ITIH1: variants seen among roughly 807,000 people sequenced by gnomAD.
ITIH1 encodes the protein inter-alpha-trypsin inhibitor heavy chain H1.
A neutral mutation model predicts 104.6 loss-of-function variants in ITIH1; 94 were observed. That is an observed-to-expected ratio of 0.90 (90% CI 0.76 to 1.07). The LOEUF is 1.07. ITIH1 is among the 50% of genes least tolerant of loss of function. The pLI is 0.00. For missense variants in ITIH1, 1,193 were observed against 1,181.4 expected (o/e 1.01, Z -0.14); for synonymous variants, 455 against 464.4 (o/e 0.98, Z 0.26).
chr3:52,791,735 G>A, intron 21 of ITIH1, 47 bp from the exon 22 acceptor site: 1 of 1,606,212 alleles, frequency 6.2e-7, no homozygotes, highest in African/African-American at 1.3e-5. Context: ...GGGAGGTGCT[G>A]CCCTACTGGT....
At chr3:52,781,340 TCTC>T (rs1437878200) in intron 6 of ITIH1, among the ~76,000 whole-genome samples, 2 of 150,838 alleles carry the variant, frequency 1.3e-5, no homozygotes, top group African/African-American at 4.9e-5. Flanking sequence ...TCTTCTATCT[TCTC>T]TTCTTCTTCC....
In ITIH1 at chr3:52,784,383, A is replaced by G; in HGVS notation, c.1313A>G (p.Asn438Ser). The change falls in exon 11 of 22, where the codon AAT (asparagine) becomes AGT (serine). Residue 438 changes from asparagine (N) to serine (S), a missense_variant. By Grantham distance (46) the Asn-to-Ser change is conservative (BLOSUM62 1). Coordinates refer to ENST00000273283, the MANE Select transcript of ITIH1 (RefSeq NM_002215.4). ...CTCTACAACCTGGGTTTCGGCCACA[A>G]TGTGGACTTTAACTTTCTGGAGGTC... is the stretch of plus-strand genomic sequence containing the variant. Reference protein sequence around the residue: ...FPLYNLGFGHNVDFNFLEVMS... With the variant: ...FPLYNLGFGHSVDFNFLEVMS... 5 of 1,614,100 alleles carry G rather than the reference A, an allele frequency of 3.1e-6. No individual in the cohort carries two copies. Among genetic ancestry groups the G allele is most frequent in the Middle Eastern group, 3.3e-4 (2 of 6,060 alleles).
intron 6 of ITIH1, among the ~76,000 whole-genome samples, chr3:52,781,231 TCTTCTTCTTCTTCTTC>T (rs1699040201): frequency 1.3e-5 from 1 of 78,660 alleles, no homozygotes; most frequent in African/African-American, 4.3e-5. Flanking sequence ...TTCTTCTTCT[TCTTCTTCTTCTTCTTC>T]TTCTTCTTCT....
chr3:52,780,400 G>T lies in ITIH1; in HGVS notation c.687+18G>T. 3 of 1,578,264 alleles carry T rather than the reference G, an allele frequency of 1.9e-6. No individual in the cohort carries two copies. The highest frequency in any genetic ancestry group is 1.7e-6 in the Non-Finnish European group (2 of 1,149,546). On this transcript the variant is annotated intron_variant, in intron 6 of 21. Transcript: ENST00000273283. Reference sequence around the variant, plus strand: ...GAAAAAAGGTACATGGGATAGCAAGGGGGTGGTGGTGGGCCCTTTGGAGAC... The same window carrying T: ...GAAAAAAGGTACATGGGATAGCAAGTGGGTGGTGGTGGGCCCTTTGGAGAC...
rs1318498970 is a variant in ITIH1 at position 52,786,438 on chromosome 3, G to A, written c.1733+4G>A. On this transcript the variant is annotated splice_donor_region_variant and intron_variant, in intron 13 of 21. Transcript: ENST00000273283. ...TCCAGGAGCTGCTGGCCAAGCGGTA[G>A]GGCACCTGCAGCTGCCCCAGGTGGG... is the stretch of plus-strand genomic sequence containing the variant. 1.3e-6 allele frequency: 2 copies of A among 1,574,684 alleles called. No individual in the cohort carries two copies. Among genetic ancestry groups the A allele is most frequent in the South Asian group, 2.3e-5 (2 of 85,804 alleles).
rs80339255 is a variant in ITIH1 at position 52,791,940 on chromosome 3, C to T, written c.*29C>T. 8.4e-4 allele frequency: 1,346 copies of T among 1,597,764 alleles called. 13 individuals carry two copies. In the African/African-American group the frequency reaches 0.016, roughly 19 times the overall value. ...CTCTGGCCAGCACGCCTGTCCTCCC[C>T]CGGGGCCAAGGCAGAGGAGGAGGAC... On this transcript the variant is annotated 3_prime_UTR_variant, in exon 22 of 22. Transcript: ENST00000273283.
At chr3:52,786,615 C>A (rs1298044844) in intron 13 of ITIH1, among the ~76,000 whole-genome samples, 181 bp downstream of exon 13, 2 of 152,214 alleles carry the variant, frequency 1.3e-5, no homozygotes, top group African/African-American at 4.8e-5. Context: ...CCCACCAGGG[C>A]ACAAGGCAGC....
chr3:52,791,618 A>AC lies in ITIH1; in HGVS notation c.2597dup (p.Val867GlyfsTer38). The AC allele has an allele frequency of 6.2e-6, 10 of 1,613,950 alleles. No homozygotes were observed. Among genetic ancestry groups the AC allele is most frequent in the Non-Finnish European group, 8.5e-6 (10 of 1,179,950 alleles). On this transcript the variant is annotated frameshift_variant, in exon 21 of 22. Coordinates refer to ENST00000273283, the MANE Select transcript of ITIH1 (RefSeq NM_002215.4). LOFTEE classifies it low-confidence loss of function (END_TRUNC). ...GATGGTGGTGAGGAACCGCCGGCTC[A>AC]CGGTCACCAGGTGGGTGGGCTGCTT... is the stretch of plus-strand genomic sequence containing the variant.
intron 10 of ITIH1, among the ~76,000 whole-genome samples, 175 bp downstream of exon 10, chr3:52,783,514 A>G (rs1347922373): frequency 6.6e-6 from 1 of 152,146 alleles, no homozygotes; most frequent in African/African-American, 2.4e-5. Context: ...AGGGAGCTCT[A>G]TGGTGTACCT....
At position 52,787,002 on chromosome 3, in the gene ITIH1, G is replaced by A. The variant is rs1230487952; in HGVS notation, c.1791G>A (p.Ser597=). 11 of 1,614,044 alleles carry A rather than the reference G, an allele frequency of 6.8e-6. No individual in the cohort carries two copies. Among genetic ancestry groups the A allele is most frequent in the African/African-American group, 4.0e-5 (3 of 74,926 alleles). The change falls in exon 14 of 22, where the codon TCG becomes TCA. Residue 597 remains serine (S), a synonymous_variant. Transcript: ENST00000273283. Reference sequence around the variant, plus strand: ...TGTCATCCCAGGCCCTGCAGATGTCGCTGGACTATGGGTTTGTGACCCCAC... The same window carrying A: ...TGTCATCCCAGGCCCTGCAGATGTCACTGGACTATGGGTTTGTGACCCCAC... ...ANLSSQALQM[S]LDYGFVTPLT...
intron 20 of ITIH1, 59 bp downstream of exon 20, chr3:52,790,980 G>C: frequency 6.6e-7 from 1 of 1,517,944 alleles, no homozygotes. Flanking sequence ...GAGGACATGT[G>C]GGACCTGGGG....
chr3:52,783,768 A>G (rs1699126393), intron 10 of ITIH1, among the ~76,000 whole-genome samples: 1 of 152,098 alleles, frequency 6.6e-6, no homozygotes. Flanking sequence ...GAGGGCCCTG[A>G]AAGAACAGGG....
At chr3:52,781,283 CT>C (rs1393093338) in intron 6 of ITIH1, among the ~76,000 whole-genome samples, 12 of 139,286 alleles carry the variant, frequency 8.6e-5, no homozygotes, top group East Asian at 2.1e-4. Context: ...TCTTCTTCTT[CT>C]TCCTCTTCTT....
rs1372541783 is a variant in ITIH1, at chr3:52,785,615, A to G, written c.1593+386A>G. The stretch of plus-strand genomic sequence containing the variant: ...TGGTGCAGTGCATGCATGTATGTGC[A>G]CCTGTGTGTGGTGGGGACAGGCATG... On this transcript the variant is annotated intron_variant, in intron 12 of 21. Coordinates refer to ENST00000273283, the MANE Select transcript of ITIH1 (RefSeq NM_002215.4). 2.6e-5 allele frequency among the ~76,000 whole-genome samples: 4 copies of G among 152,188 alleles called. No homozygotes were observed. The East Asian group carries it at 7.7e-4, about 29-fold the overall frequency.
At chr3:52,783,154 A>G in intron 9 of ITIH1, 29 bp downstream of exon 9, 3 of 1,612,206 alleles carry the variant, frequency 1.9e-6, no homozygotes, top group Non-Finnish European at 2.5e-6. Flanking sequence ...GGCAACCTTG[A>G]TGTCACCTCT....
chr3:52,778,693 G>A (rs1559459914), intron 3 of ITIH1, 187 bp downstream of exon 3: 14 of 1,433,704 alleles, frequency 9.8e-6, no homozygotes, highest in Non-Finnish European at 1.3e-5. Context: ...CATCTTGGAG[G>A]CAAACTGGGA....
At position 52,786,394 on chromosome 3, in the gene ITIH1, C is replaced by T. The variant is rs761353376; in HGVS notation, c.1693C>T (p.Leu565Phe). The change falls in exon 13 of 22, where the codon CTC (leucine) becomes TTC (phenylalanine). Residue 565 changes from leucine (L) to phenylalanine (F), a missense_variant. Leu to Phe is a conservative substitution (Grantham distance 22). Transcript: ENST00000273283. ...CATGCTGGAGAACCACGTCGAGCGCCTCTGGGCCTACCTCACCATCCAGGA... is the reference window on the plus strand; with the variant it reads ...CATGCTGGAGAACCACGTCGAGCGCTTCTGGGCCTACCTCACCATCCAGGA... ...GHMLENHVER[L>F]WAYLTIQELL... is the part of the protein sequence containing the mutation. 1.3e-6 allele frequency: 2 copies of T among 1,586,592 alleles called. No individual in the cohort carries two copies. The highest frequency in any genetic ancestry group is 1.8e-5 in the Admixed American group (1 of 56,536).
intron 21 of ITIH1, 34 bp from the exon 22 acceptor site, chr3:52,791,748 G>C (rs749295025): frequency 6.2e-7 from 1 of 1,607,208 alleles, no homozygotes; most frequent in African/African-American, 1.3e-5. Context: ...CTACTGGTCC[G>C]AAGGGTGACC....
At chr3:52,791,671 T>G (rs1699360216) in intron 21 of ITIH1, 43 bp downstream of exon 21, 2 of 1,610,816 alleles carry the variant, frequency 1.2e-6, no homozygotes, top group Non-Finnish European at 1.7e-6. Flanking sequence ...TCGGCCACTT[T>G]GTAGTTCTTC....
Sources: gnomAD v4.1 joint callset for allele counts (sites outside exome capture counted in the v4.1 genomes callset) on GRCh38, gnomAD v4.1.1 for gene constraint, MANE v1.5 for transcripts, NCBI Gene and HGNC (gene_info 2026-07-23, HGNC 2026-07-21) for gene names.